Variants in DCHS2 observed in about 807,000 individuals in gnomAD.
The protein encoded by DCHS2 is dachsous cadherin-related 2, also known as protocadherin-23.
In DCHS2, 142 loss-of-function variants were observed where a neutral mutation model predicts 182.4. The ratio of observed to expected loss-of-function variants is 0.78; its 90% confidence interval spans 0.68 to 0.89. The LOEUF (loss-of-function observed/expected upper bound fraction) is 0.89. DCHS2 is among the 40% of genes least tolerant of loss of function. The pLI is 0.00. For synonymous variants in DCHS2, 1,740 were observed against 1,663.3 expected (o/e 1.05, Z -1.12); for missense variants, 4,319 against 4,198.6 (o/e 1.03, Z -0.79).
intron 1 of DCHS2, among the ~76,000 whole-genome samples, chr4:154,389,537 A>T (rs1446516500): frequency 1.1e-4 from 6 of 56,746 alleles, no homozygotes; most frequent in Non-Finnish European, 2.4e-4. Context: ...TATATATATA[A>T]CCTTTTTTTA....
intron 12 of DCHS2, among the ~76,000 whole-genome samples, chr4:154,304,389 C>T (rs1023283164): frequency 2.0e-5 from 3 of 152,066 alleles, no homozygotes; most frequent in Non-Finnish European, 4.4e-5. Context: ...AAGCTCATGG[C>T]ACCAGTCAGT....
intron 1 of DCHS2, among the ~76,000 whole-genome samples, chr4:154,395,961 G>A (rs1363272803): frequency 6.6e-6 from 1 of 152,208 alleles, no homozygotes; most frequent in Non-Finnish European, 1.5e-5. Context: ...AAATGGAAGA[G>A]TTATTCAAGG....
intron 13 of DCHS2, among the ~76,000 whole-genome samples, chr4:154,296,335 G>A (rs1734923077): frequency 6.6e-6 from 1 of 152,160 alleles, no homozygotes; most frequent in African/African-American, 2.4e-5. Flanking sequence ...GAGGGGTGGA[G>A]GGGTAGTCAG....
intron 1 of DCHS2, among the ~76,000 whole-genome samples, chr4:154,417,147 G>T (rs17373431): frequency 0.2 from 29,704 of 146,442 alleles, 3,352 homozygotes; most frequent in Middle Eastern, 0.24. Context: ...CACCACCTCA[G>T]GCCGGTCCCG....
chr4:154,417,186 TGTGTGTGTGTGTGTGTGTGAGAGAGA>T (rs1732872713), intron 1 of DCHS2, among the ~76,000 whole-genome samples: 3 of 111,380 alleles, frequency 2.7e-5, no homozygotes, highest in African/African-American at 1.1e-4. Flanking sequence ...TGTGTGTGTG[TGTGTGTGTGTGTGTGTGTGAGAGAGA>T]GAGAGAGAGA....
intron 1 of DCHS2, among the ~76,000 whole-genome samples, chr4:154,392,748 A>T (rs1405038063): frequency 6.6e-6 from 1 of 152,216 alleles, no homozygotes; most frequent in South Asian, 2.1e-4. Flanking sequence ...TATTTATTGT[A>T]AACATACTAT....
intron 1 of DCHS2, among the ~76,000 whole-genome samples, chr4:154,473,295 TTCA>T (rs1439206061): frequency 2.0e-5 from 3 of 152,178 alleles, no homozygotes; most frequent in Non-Finnish European, 4.4e-5. Context: ...TGGGGAGCAC[TTCA>T]TCATGGGACA....
chr4:154,312,914 G>C (rs1735721001), intron 10 of DCHS2, among the ~76,000 whole-genome samples: 1 of 152,132 alleles, frequency 6.6e-6, no homozygotes, highest in African/African-American at 2.4e-5. Context: ...ACAATTAATG[G>C]TGTCTTAGAT....
intron 13 of DCHS2, among the ~76,000 whole-genome samples, chr4:154,272,633 C>A (rs1733652827): frequency 6.6e-6 from 1 of 152,112 alleles, no homozygotes. Context: ...ACCCCTTCCA[C>A]CATGTTTATA....
intron 1 of DCHS2, among the ~76,000 whole-genome samples, chr4:154,479,047 G>A (rs934770900): frequency 1.4e-4 from 22 of 152,172 alleles, no homozygotes; most frequent in African/African-American, 5.3e-4. Context: ...AAACTTTAAA[G>A]CAGCTATTAT....
chr4:154,457,913 G>A (rs1178808871), intron 1 of DCHS2, among the ~76,000 whole-genome samples: 1 of 152,116 alleles, frequency 6.6e-6, no homozygotes, highest in East Asian at 1.9e-4. Flanking sequence ...TGGATAATCA[G>A]GACAATCCAT....
intron 1 of DCHS2, among the ~76,000 whole-genome samples, chr4:154,427,319 CAG>C (rs1174870860): frequency 6.6e-6 from 1 of 152,202 alleles, no homozygotes; most frequent in Non-Finnish European, 1.5e-5. Flanking sequence ...TGTACCACCA[CAG>C]AGTTTCAGCC....
intron 7 of DCHS2, chr4:154,323,136 T>G: frequency 1.4e-6 from 2 of 1,449,500 alleles, no homozygotes; most frequent in East Asian, 2.5e-5. Context: ...ACATTTTCCA[T>G]GATCTAGATT....
intron 1 of DCHS2, among the ~76,000 whole-genome samples, chr4:154,398,779 A>G (rs909935679): frequency 5.9e-5 from 9 of 152,218 alleles, no homozygotes; most frequent in African/African-American, 2.2e-4. Flanking sequence ...AAGAGACTTA[A>G]GTCTCCATTC....
Position 154,235,008 on chromosome 4 carries a change from C to A in DCHS2, c.9644G>T (p.Cys3215Phe). The A allele has an allele frequency of 6.2e-7, 1 of 1,614,026 alleles. No individual in the cohort carries two copies. The highest frequency in any genetic ancestry group is 8.5e-7 in the Non-Finnish European group (1 of 1,179,972). Residue 3215 changes from cysteine (C) to phenylalanine (F), a missense_variant, in exon 20 of 20, where the codon TGT becomes TTT. Coordinates refer to ENST00000357232, the MANE Select transcript of DCHS2 (RefSeq NM_001358235.2). ...VFISGDQEVRCAALSTQTTSD... is the reference protein window; with the variant it reads ...VFISGDQEVRFAALSTQTTSD... ...GGTCGTCTGAGTTGAAAGAGCTGCA[C>A]ACCTTACTTCCTGATCACCTGAAAT...
chr4:154,331,052 A>T (rs1016741313), intron 5 of DCHS2, among the ~76,000 whole-genome samples: 1 of 152,106 alleles, frequency 6.6e-6, no homozygotes, highest in African/African-American at 2.4e-5. Context: ...CACTTGTAGG[A>T]CTGTCCAGAG....
chr4:154,267,964 C>A (rs532688529), intron 14 of DCHS2, among the ~76,000 whole-genome samples: 174 of 152,322 alleles, frequency 1.1e-3, no homozygotes, highest in African/African-American at 3.9e-3. Context: ...TCTGTTGCAA[C>A]ATGTTACTGT....
chr4:154,242,533 TTGG>T, intron 17 of DCHS2, 106 bp downstream of exon 17: 1 of 1,395,584 alleles, frequency 7.2e-7, no homozygotes. Flanking sequence ...TCTAGTTTGC[TTGG>T]TTGTTGAGGA....
At chr4:154,312,436 T>C (rs1344679015) in intron 10 of DCHS2, among the ~76,000 whole-genome samples, 1 of 152,152 alleles carries the variant, frequency 6.6e-6, no homozygotes, top group Non-Finnish European at 1.5e-5. Flanking sequence ...GTAATCCCTA[T>C]ACTTTGGGAG....
Sources: gnomAD v4.1 joint callset for allele counts (sites outside exome capture counted in the v4.1 genomes callset) on GRCh38, gnomAD v4.1.1 for gene constraint, MANE v1.5 for transcripts, NCBI Gene and HGNC (gene_info 2026-07-23, HGNC 2026-07-21) for gene names.